MAJIN: variants seen among roughly 807,000 people sequenced by gnomAD.
The protein encoded by MAJIN is membrane-anchored junction protein.
Under a neutral mutation model 30.2 loss-of-function variants are expected in MAJIN, and 27 were observed. That is an observed-to-expected ratio of 0.89 (90% CI 0.66 to 1.23). The LOEUF is 1.23. MAJIN is among the 50% of genes most tolerant of loss of function. MAJIN has a pLI of 0.00. For missense variants in MAJIN, 253 were observed against 260.3 expected (o/e 0.97, Z 0.19); for synonymous variants, 78 against 91.6 (o/e 0.85, Z 0.85).
rs1477686700 is a variant in MAJIN, at chr11:64,947,415, G to C, written c.432C>G (p.His144Gln). The change falls in exon 8 of 11, where the codon CAC becomes CAG. Residue 144 changes from histidine (H) to glutamine (Q), a missense_variant. Physicochemically the swap from His to Gln is conservative, Grantham distance 24. Transcript: ENST00000301896. ...TGCTGGGGGAGCTGGGCTCGTCCATGTGTTTTCGTTTCCTCATCACAGCTC... is the reference window on the plus strand; with the variant it reads ...TGCTGGGGGAGCTGGGCTCGTCCATCTGTTTTCGTTTCCTCATCACAGCTC... ...AVGAVMRKRKHMDEPSSPSRP... is the reference protein window; with the variant it reads ...AVGAVMRKRKQMDEPSSPSRP... The C allele has an allele frequency of 3.1e-6, 5 of 1,613,724 alleles. No individual in the cohort carries two copies. The highest frequency in any genetic ancestry group is 2.7e-5 in the African/African-American group (2 of 74,932).
intron 3 of MAJIN, among the ~76,000 whole-genome samples, chr11:64,958,491 T>A (rs1590702870): frequency 6.6e-6 from 1 of 150,782 alleles, no homozygotes; most frequent in East Asian, 1.9e-4. Flanking sequence ...GGTGGCACTA[T>A]GCCTGTAGTC....
chr11:64,955,809 T>A (rs1373728637), intron 3 of MAJIN, among the ~76,000 whole-genome samples: 2 of 152,246 alleles, frequency 1.3e-5, no homozygotes, highest in Admixed American at 1.3e-4. Flanking sequence ...ATTTGGAGGA[T>A]GTGCATAATT....
intron 8 of MAJIN, among the ~76,000 whole-genome samples, 177 bp from the exon 9 acceptor site, chr11:64,940,823 C>CTT (rs67006421): frequency 3.1e-5 from 4 of 127,440 alleles, no homozygotes; most frequent in Non-Finnish European, 4.7e-5. Context: ...TTTTTCTTTT[C>CTT]TTTTTTTCTT....
chr11:64,949,977 A>G (rs1480061388), intron 5 of MAJIN, 109 bp from the exon 6 acceptor site: 13 of 1,404,452 alleles, frequency 9.3e-6, no homozygotes, highest in East Asian at 9.1e-5. Context: ...CAAACTGCCT[A>G]TGGTTTTGCT....
At chr11:64,954,365 CTGTG>C (rs1409986583) in intron 4 of MAJIN, 2 of 338,150 alleles carry the variant, frequency 5.9e-6, no homozygotes, top group African/African-American at 4.3e-5. Context: ...GCAGCCTTGT[CTGTG>C]TATTTACAGT....
chr11:64,939,868 C>G, intron 9 of MAJIN, 101 bp from the exon 10 acceptor site: 1 of 979,632 alleles, frequency 1.0e-6, no homozygotes, highest in Non-Finnish European at 1.5e-6. Context: ...GGCAGTCTCA[C>G]GCCAAGAGTT....
Position 64,948,629 on chromosome 11 carries a change from ATATATATATATTTTTTTTTTTTTTTTTTT to A in MAJIN, c.350-839_350-811del, listed in dbSNP as rs1190787239. Reference sequence around the variant, plus strand: ...TATATATATATATATATATATATATATATATATATATTTTTTTTTTTTTTTTTTTTTTTTTTTTTTTTTTTCAGATGGCA... The same window carrying A: ...TATATATATATATATATATATATATATTTTTTTTTTTTTTTTCAGATGGCA... On this transcript the variant is annotated intron_variant, in intron 6 of 10. Transcript: ENST00000301896. Among the ~76,000 whole-genome samples the A allele has an allele frequency of 4.2e-3, 175 of 41,744 alleles. 1 individual carries two copies. Among genetic ancestry groups the A allele is most frequent in the African/African-American group, 0.023 (170 of 7,398 alleles). 27.4% of individuals were successfully genotyped at this position (41,744 alleles called of 152,430 possible).
At position 64,956,181 on chromosome 11, in the gene MAJIN, T is replaced by A. The variant is rs561398791; in HGVS notation, c.102-1379A>T. 1.1e-4 allele frequency among the ~76,000 whole-genome samples: 16 copies of A among 152,218 alleles called. No individual in the cohort carries two copies. The South Asian group carries it at 3.1e-3, about 30-fold the overall frequency. The stretch of plus-strand genomic sequence containing the variant: ...TGGGCATGGTGGTGCATGCCTGTAA[T>A]CCTAGCTACTTGGGAGGCTGAGGCA... On this transcript the variant is annotated intron_variant, in intron 3 of 10. Coordinates refer to ENST00000301896, the MANE Select transcript of MAJIN (RefSeq NM_001037225.3).
intron 3 of MAJIN, among the ~76,000 whole-genome samples, chr11:64,955,151 A>T (rs1408346982): frequency 6.6e-6 from 1 of 152,146 alleles, no homozygotes; most frequent in Non-Finnish European, 1.5e-5. Context: ...TGCCTTTCTC[A>T]CTGTGTTAAT....
intron 4 of MAJIN, 54 bp from the exon 5 acceptor site, chr11:64,950,484 G>T (rs1047052655): frequency 2.9e-5 from 44 of 1,511,948 alleles, no homozygotes; most frequent in Non-Finnish European, 4.0e-5. Flanking sequence ...GCCAGTCTTT[G>T]TTTATATTTG....
chr11:64,969,987 A>G (rs376151905), intron 1 of MAJIN, among the ~76,000 whole-genome samples: 1 of 152,270 alleles, frequency 6.6e-6, no homozygotes, highest in African/African-American at 2.4e-5. Flanking sequence ...CCAATGAGAT[A>G]GCCAAAGAGA....
chr11:64,950,371 G>A lies in MAJIN; in HGVS notation c.207C>T (p.His69=), dbSNP rs770544944. ...AAAGGATACAGGGAAATACAATGAAGTGTTCTGTAGCAAAGGGCTGAAGAT... is the reference window on the plus strand; with the variant it reads ...AAAGGATACAGGGAAATACAATGAAATGTTCTGTAGCAAAGGGCTGAAGAT... ...LDNLQPFATE[H]FIVFPYKSKW... The change falls in exon 5 of 11, where the codon CAC becomes CAT. Residue 69 remains histidine, a synonymous_variant. Transcript: ENST00000301896. 1 of 1,550,736 alleles carries A rather than the reference G, an allele frequency of 6.4e-7. No individual in the cohort carries two copies.
intron 10 of MAJIN, 101 bp from the exon 11 acceptor site, chr11:64,938,674 G>C (rs1945325386): frequency 7.7e-7 from 1 of 1,306,416 alleles, no homozygotes; most frequent in Non-Finnish European, 1.1e-6. Context: ...TTTTGCTCTG[G>C]GGAACCATTG....
intron 8 of MAJIN, among the ~76,000 whole-genome samples, chr11:64,943,606 AG>A (rs1454444779): frequency 1.3e-5 from 2 of 152,256 alleles, no homozygotes; most frequent in African/African-American, 4.8e-5. Context: ...TCCTGGGAAC[AG>A]GGTCCATGAT....
chr11:64,949,745 G>C lies in MAJIN; in HGVS notation c.347C>G (p.Pro116Arg), dbSNP rs775199136. ...EMKWFHENLS[P>R]GKPISDSPLG... is the part of the protein sequence containing the mutation. ...CACATTCACATCATTCCACTTACCA[G>C]GTGACAGGTTTTCATGGAACCATTT... Residue 116 changes from proline to arginine, a missense_variant and splice_region_variant, in exon 6 of 11, where the codon CCT (proline) becomes CGT (arginine). Coordinates refer to ENST00000301896, the MANE Select transcript of MAJIN (RefSeq NM_001037225.3). The C allele has an allele frequency of 3.1e-6, 5 of 1,612,734 alleles. No homozygotes were observed. Among genetic ancestry groups the C allele is most frequent in the South Asian group, 1.1e-5 (1 of 91,068 alleles).
chr11:64,966,160 A>AAAAAAAAAAAAAAG, intron 1 of MAJIN, among the ~76,000 whole-genome samples: 1 of 150,160 alleles, frequency 6.7e-6, no homozygotes. Flanking sequence ...AAAAAAAAAA[A>AAAAAAAAAAAAAAG]AAAAAGCAGC....
chr11:64,938,515 T>G lies in MAJIN; in HGVS notation c.*60A>C. 6.5e-7 allele frequency: 1 copy of G among 1,534,962 alleles called. No homozygotes were observed. Among genetic ancestry groups the G allele is most frequent in the Non-Finnish European group, 8.7e-7 (1 of 1,145,960 alleles). ...AGATGATCCTCTTTCCAGCGCTGCA[T>G]TTGGAAGGCTCAAGAGTGGCTGCTC... On this transcript the variant is annotated 3_prime_UTR_variant, in exon 11 of 11. Transcript: ENST00000301896.
rs774718743 is a variant in MAJIN at position 64,954,689 on chromosome 11, T to A, written c.147+68A>T. 3.7e-5 allele frequency: 55 copies of A among 1,501,762 alleles called. No homozygotes were observed. The African/African-American group carries it at 6.9e-4, about 19-fold the overall frequency. 93.0% of individuals were successfully genotyped at this position (1,501,762 alleles called of 1,614,324 possible). A position where few individuals can be genotyped will look rare whatever the true frequency, so the allele number is the denominator to read the frequency against. ...TTGTGACTCAGTTTGTAGGAAATAA[T>A]TAAAACCTGAATGTGGATGCATCCT... is the stretch of plus-strand genomic sequence containing the variant. On this transcript the variant is annotated intron_variant, in intron 4 of 10. Transcript: ENST00000301896.
intron 8 of MAJIN, among the ~76,000 whole-genome samples, chr11:64,941,117 C>T (rs904171070): frequency 6.6e-6 from 1 of 152,036 alleles, no homozygotes; most frequent in African/African-American, 2.4e-5. Context: ...GAATTATAGG[C>T]GTGAGCCACC....
Sources: allele counts gnomAD v4.1 joint callset (sites outside exome capture counted in the v4.1 genomes callset), GRCh38; gene constraint gnomAD v4.1.1; transcripts MANE v1.5; gene names NCBI Gene and HGNC (gene_info 2026-07-23, HGNC 2026-07-21).